Variants in MAGI2 observed in about 807,000 individuals in gnomAD.
MAGI2 encodes membrane-associated guanylate kinase, WW and PDZ domain-containing protein 2.
Under a neutral mutation model 133.3 loss-of-function variants are expected in MAGI2, and 35 were observed. That is an observed-to-expected ratio of 0.26 (90% CI 0.20 to 0.35). The LOEUF (loss-of-function observed/expected upper bound fraction) is 0.35, where lower values mean the gene tolerates loss of function less well. Ranked by LOEUF, MAGI2 falls within the 10% of genes least tolerant of loss-of-function variation. The probability of loss-of-function intolerance (pLI) is 1.00; values close to 1 mark genes in which losing one functional copy is unlikely to be tolerated. For missense variants in MAGI2, 1,636 were observed against 1,863.4 expected, an observed-to-expected ratio of 0.88 and a Z score of 2.25; for synonymous variants, 729 against 710.6, an observed-to-expected ratio of 1.03 and a Z score of -0.41.
At chr7:78,861,823 C>G (rs796914406) in intron 2 of MAGI2, among the ~76,000 whole-genome samples, 1 of 152,152 alleles carries the variant, frequency 6.6e-6, no homozygotes, top group East Asian at 1.9e-4. Context: ...AATAGCATTG[C>G]TTTTCAATTC....
At chr7:78,752,278 A>G (rs1823523930) in intron 2 of MAGI2, among the ~76,000 whole-genome samples, 1 of 152,174 alleles carries the variant, frequency 6.6e-6, no homozygotes, top group South Asian at 2.1e-4. Context: ...TTTGAACATG[A>G]TGATAGAATG....
intron 9 of MAGI2, among the ~76,000 whole-genome samples, chr7:78,301,892 A>G (rs774768546): frequency 2.1e-4 from 32 of 152,278 alleles, no homozygotes; most frequent in Admixed American, 3.3e-4. Context: ...TAAGTTATTC[A>G]AACCTCTTGT....
chr7:78,856,992 G>T (rs1223280773), intron 2 of MAGI2, among the ~76,000 whole-genome samples: 1 of 152,066 alleles, frequency 6.6e-6, no homozygotes, highest in Non-Finnish European at 1.5e-5. Flanking sequence ...GGATTCCTAG[G>T]TATTCTATTC....
intron 3 of MAGI2, among the ~76,000 whole-genome samples, chr7:78,546,060 A>G (rs1202198363): frequency 6.6e-6 from 1 of 152,192 alleles, no homozygotes; most frequent in East Asian, 1.9e-4. Flanking sequence ...TGGGTACCCA[A>G]GGTTTTCATA....
intron 10 of MAGI2, among the ~76,000 whole-genome samples, chr7:78,223,294 A>G (rs1321486380): frequency 6.6e-6 from 1 of 152,140 alleles, no homozygotes; most frequent in Non-Finnish European, 1.5e-5. Flanking sequence ...TTTTCTTAAA[A>G]TGCTCTCCAC....
rs576986293 is a variant in MAGI2, at chr7:78,932,819, C to T, written c.418+74271G>A. 3.9e-5 allele frequency among the ~76,000 whole-genome samples: 6 copies of T among 152,136 alleles called. No individual in the cohort carries two copies. In the South Asian group the frequency reaches 1.2e-3, roughly 32 times the overall value. On this transcript the variant is annotated intron_variant, in intron 2 of 21. Coordinates refer to ENST00000354212, the MANE Select transcript of MAGI2 (RefSeq NM_012301.4). ...GGTTATTGCTGATGAAAATTTGATG[C>T]CAGAACTAGACTATAATGCTGATGA...
At chr7:78,077,602 T>TAGATGCTGGAAACAACGCA (rs773180706) in intron 21 of MAGI2, among the ~76,000 whole-genome samples, 38,862 of 151,252 alleles carry the variant, frequency 0.26, 5,202 homozygotes, top group African/African-American at 0.32. Context: ...ATTTAAGGTC[T>TAGATGCTGGAAACAACGCA]TTGAGTTTAG....
At chr7:78,172,142 A>G (rs2150660703) in intron 14 of MAGI2, among the ~76,000 whole-genome samples, 1 of 152,302 alleles carries the variant, frequency 6.6e-6, no homozygotes, top group Non-Finnish European at 1.5e-5. Context: ...GGTGCCAGTA[A>G]GTCAGGGGAA....
At chr7:78,368,627 G>C (rs1156625602) in intron 7 of MAGI2, among the ~76,000 whole-genome samples, 1 of 151,786 alleles carries the variant, frequency 6.6e-6, no homozygotes, top group Admixed American at 6.6e-5. Flanking sequence ...ATGCATGGGG[G>C]GATAATTCAT....
chr7:78,627,986 TG>T (rs1808554324), intron 2 of MAGI2, among the ~76,000 whole-genome samples: 1 of 152,142 alleles, frequency 6.6e-6, no homozygotes, highest in Admixed American at 6.5e-5. Flanking sequence ...GGTTACTGCA[TG>T]GGACCACTGT....
At chr7:78,769,712 G>A (rs901662750) in intron 2 of MAGI2, among the ~76,000 whole-genome samples, 1 of 152,148 alleles carries the variant, frequency 6.6e-6, no homozygotes, top group Non-Finnish European at 1.5e-5. Context: ...CTAGTGCACT[G>A]CCAGAGCGCA....
rs57950337 is a variant in MAGI2 at position 78,876,321 on chromosome 7, C to CAAAA, written c.418+130765_418+130768dup. 7.8e-4 allele frequency among the ~76,000 whole-genome samples: 62 copies of CAAAA among 79,672 alleles called. 9 individuals are homozygous for CAAAA. The highest frequency in any genetic ancestry group is 1.7e-3 in the East Asian group (5 of 3,006). The allele number at this position is 79,672 out of a possible 152,430, so 52.3% of individuals were successfully genotyped here. ...CGGGTGACAGAGCAAGACTCCGTCT[C>CAAAA]AAAAAAAAAAAAAAAAAAAAATTGG... On this transcript the variant is annotated intron_variant, in intron 2 of 21. Coordinates refer to ENST00000354212, the MANE Select transcript of MAGI2 (RefSeq NM_012301.4).
At chr7:79,065,180 C>T (rs1368946999) in intron 1 of MAGI2, among the ~76,000 whole-genome samples, 4 of 152,032 alleles carry the variant, frequency 2.6e-5, no homozygotes, top group Non-Finnish European at 5.9e-5. Flanking sequence ...AAACTGATTG[C>T]CATAAACTAT....
At chr7:78,331,896 T>C (rs1294242344) in intron 9 of MAGI2, among the ~76,000 whole-genome samples, 1 of 152,198 alleles carries the variant, frequency 6.6e-6, no homozygotes, top group Non-Finnish European at 1.5e-5. Flanking sequence ...AACTTAAAAA[T>C]AATAGTAATA....
intron 9 of MAGI2, among the ~76,000 whole-genome samples, chr7:78,281,314 C>T (rs921667596): frequency 1.3e-5 from 2 of 151,160 alleles, no homozygotes; most frequent in African/African-American, 2.5e-5. Context: ...TCCATAATCC[C>T]CACATGTCAA....
At chr7:78,961,302 CA>C (rs1422149049) in intron 2 of MAGI2, among the ~76,000 whole-genome samples, 1 of 152,060 alleles carries the variant, frequency 6.6e-6, no homozygotes, top group African/African-American at 2.4e-5. Flanking sequence ...CTGCCCTGTG[CA>C]GCCCCTCGAG....
At chr7:78,603,900 C>A (rs1293302882) in intron 3 of MAGI2, among the ~76,000 whole-genome samples, 6 of 152,174 alleles carry the variant, frequency 3.9e-5, no homozygotes, top group Non-Finnish European at 7.3e-5. Context: ...ATTTGTTGAA[C>A]ACCTACTATA....
intron 1 of MAGI2, among the ~76,000 whole-genome samples, chr7:79,347,319 A>G (rs1304316293): frequency 1.3e-5 from 2 of 151,944 alleles, no homozygotes; most frequent in African/African-American, 4.8e-5. Flanking sequence ...TGAATACATG[A>G]TCAACACTAA....
At chr7:78,672,609 G>C (rs889598328) in intron 2 of MAGI2, among the ~76,000 whole-genome samples, 1 of 152,140 alleles carries the variant, frequency 6.6e-6, no homozygotes, top group Non-Finnish European at 1.5e-5. Flanking sequence ...CATGATTGAT[G>C]ATCTCCACAG....
Sources: allele counts gnomAD v4.1 joint callset (sites outside exome capture counted in the v4.1 genomes callset), GRCh38; gene constraint gnomAD v4.1.1; transcripts MANE v1.5; gene names NCBI Gene and HGNC (gene_info 2026-07-23, HGNC 2026-07-21).